Variants in PRODH2 observed in about 807,000 individuals in gnomAD.
The protein encoded by PRODH2 is proline dehydrogenase 2, also known as hydroxyproline dehydrogenase.
Under a neutral mutation model 51.9 loss-of-function variants are expected in PRODH2, and 49 were observed. The observed-to-expected ratio is 0.94, with a 90% CI of 0.75 to 1.20. The LOEUF (loss-of-function observed/expected upper bound fraction) is 1.20. PRODH2 is among the 50% of genes most tolerant of loss of function. The pLI, the probability that PRODH2 is intolerant of heterozygous loss-of-function variation, is 0.00. For synonymous variants in PRODH2, 249 were observed against 260.7 expected (o/e 0.96, Z 0.43); for missense variants, 597 against 610.9 (o/e 0.98, Z 0.24).
chr19:35,802,355 C>T lies in PRODH2; in HGVS notation c.1113-79G>A, dbSNP rs529255326. On this transcript the variant is annotated intron_variant, in intron 8 of 9. Transcript: ENST00000653904. ...AGTCAGCCACTATGCACCCATATGG[C>T]GGCTCCAGTAATTCAAACATTGAAG... is the stretch of plus-strand genomic sequence containing the variant. 65 of 1,197,338 alleles carry T rather than the reference C, an allele frequency of 5.4e-5. 1 individual carries two copies. The highest frequency in any genetic ancestry group is 2.3e-4 in the South Asian group (19 of 82,642). The allele number at this position is 1,197,338 out of a possible 1,614,324, so 74.2% of individuals were successfully genotyped here. A position where few individuals can be genotyped will look rare whatever the true frequency, so the allele number is the denominator to read the frequency against.
chr19:35,800,051 C>G lies in PRODH2; in HGVS notation c.1370G>C (p.Arg457Thr). 6.2e-7 allele frequency: 1 copy of G among 1,611,070 alleles called. No individual in the cohort carries two copies. The highest frequency in any genetic ancestry group is 8.5e-7 in the Non-Finnish European group (1 of 1,179,024). Reference protein sequence around the residue: ...LWRRLLPGCRRIPH With the variant: ...LWRRLLPGCRTIPH Reference sequence around the variant, plus strand: ...CCCTCAGGGGTGCTAGTGGGGTATCCTTCGGCATCCTGGCAGCAGCCGCCG... The same window carrying G: ...CCCTCAGGGGTGCTAGTGGGGTATCGTTCGGCATCCTGGCAGCAGCCGCCG... The change falls in exon 10 of 10, where the codon AGG (arginine) becomes ACG (threonine). Residue 457 changes from arginine to threonine, a missense_variant. By Grantham distance (71) the Arg-to-Thr change is moderately conservative (BLOSUM62 -1). Coordinates refer to ENST00000653904, the MANE Select transcript of PRODH2 (RefSeq NM_021232.2).
rs765304239 is a variant in PRODH2 at position 35,812,617 on chromosome 19, A to G, written c.174+15T>C. On this transcript the variant is annotated intron_variant, in intron 1 of 9. Transcript: ENST00000653904. The stretch of plus-strand genomic sequence containing the variant: ...ATGAGGAGCCTCCAGGCTGGTCCTC[A>G]GGATCACTGCTCACCAACAGCCCGT... 1.4e-5 allele frequency: 22 copies of G among 1,595,582 alleles called. No individual in the cohort carries two copies. In the Middle Eastern group the frequency reaches 5.0e-4, roughly 36 times the overall value.
rs1472126232 is a variant in PRODH2 at position 35,812,144 on chromosome 19, G to A, written c.500C>T (p.Thr167Ile). The A allele has an allele frequency of 2.5e-6, 4 of 1,614,146 alleles. No individual in the cohort carries two copies. The highest frequency in any genetic ancestry group is 3.3e-5 in the Admixed American group (2 of 60,022). The change falls in exon 3 of 10, where the codon ACT becomes ATT. Residue 167 changes from threonine to isoleucine, a missense_variant. Thr to Ile is a moderately conservative substitution (Grantham distance 89). Transcript: ENST00000653904. ...CTTTGCACTCCTTACACAGAGCCGA[G>A]TACTGGTCAGCGCCGTCACCTTCAG... ...MQLKVTALTS[T>I]RLCKELASWV...
In PRODH2 at chr19:35,812,775, G is replaced by A; in HGVS notation, c.31C>T (p.Gln11Ter). The A allele has an allele frequency of 6.2e-7, 1 of 1,606,540 alleles. No individual in the cohort carries two copies. MLRTCYVLCS[Q>*]AGPPSRGWQS... ...CAGCCCCTGGAGGGGGGACCAGCTT[G>A]GGAACAGAGCACGTAACAGGTCCGG... The change falls in exon 1 of 10, where the codon CAA (glutamine) becomes TAA (stop). Residue 11 changes from glutamine (Q) to a stop codon, truncating the protein, a stop_gained. Transcript: ENST00000653904. LOFTEE classifies it high-confidence loss of function.
chr19:35,803,434 T>A (rs1010800191), intron 7 of PRODH2, among the ~76,000 whole-genome samples: 2 of 152,164 alleles, frequency 1.3e-5, no homozygotes, highest in African/African-American at 4.8e-5. Context: ...TTTGTATTTT[T>A]AGTAGAGACG....
At chr19:35,810,033 T>C (rs1972583568) in intron 4 of PRODH2, among the ~76,000 whole-genome samples, 1 of 136,596 alleles carries the variant, frequency 7.3e-6, no homozygotes, top group Non-Finnish European at 1.5e-5. Flanking sequence ...TTTGGGAGGC[T>C]GAGGCGGGCG....
chr19:35,812,727 C>T lies in PRODH2; in HGVS notation c.79G>A (p.Gly27Arg), dbSNP rs1051960453. ...RGWQSLSFDG[G>R]AFHLKGTGEL... is the part of the protein sequence containing the mutation. ...CCTGTGCCCTTAAGGTGGAAGGCCCCGCCATCAAAGCTCAGGGACTGCCAG... is the reference window on the plus strand; with the variant it reads ...CCTGTGCCCTTAAGGTGGAAGGCCCTGCCATCAAAGCTCAGGGACTGCCAG... The change falls in exon 1 of 10, where the codon GGG becomes AGG. Residue 27 changes from glycine to arginine, a missense_variant. Coordinates refer to ENST00000653904, the MANE Select transcript of PRODH2 (RefSeq NM_021232.2). The T allele has an allele frequency of 5.0e-6, 8 of 1,611,502 alleles. No individual in the cohort carries two copies. In the African/African-American group the frequency reaches 5.3e-5, roughly 11 times the overall value.
intron 8 of PRODH2, chr19:35,802,529 G>T (rs1324264814): frequency 5.3e-6 from 3 of 565,932 alleles, no homozygotes; most frequent in Non-Finnish European, 9.5e-6. Context: ...GACCTATAAG[G>T]ACTTACAGGT....
rs748663846 is a variant in PRODH2 at position 35,811,471 on chromosome 19, G to GGGAGGGAA, written c.597+490_597+491insTTCCCTCC. Among the ~76,000 whole-genome samples the GGGAGGGAA allele has an allele frequency of 1.8e-3, 259 of 140,996 alleles. 1 individual carries two copies. The highest frequency in any genetic ancestry group is 3.2e-3 in the Non-Finnish European group (209 of 64,974). 92.5% of individuals were successfully genotyped at this position (140,996 alleles called of 152,430 possible). ...AGGAAGGAAGGAAGGGAGGGAGGGA[G>GGGAGGGAA]GGAGGGGAGAGAAGGAAAAAGAAAA... On this transcript the variant is annotated intron_variant, in intron 4 of 9. Transcript: ENST00000653904.
At chr19:35,810,734 T>C (rs771536796) in intron 4 of PRODH2, among the ~76,000 whole-genome samples, 2 of 152,142 alleles carry the variant, frequency 1.3e-5, no homozygotes, top group Non-Finnish European at 1.5e-5. Context: ...TTGGCCAGGC[T>C]GGTCTTGAAC....
chr19:35,810,851 G>A (rs1044338049), intron 4 of PRODH2, among the ~76,000 whole-genome samples: 1 of 152,156 alleles, frequency 6.6e-6, no homozygotes, highest in Non-Finnish European at 1.5e-5. Flanking sequence ...GATTTGGATT[G>A]CTCAAGTGTG....
intron 9 of PRODH2, 21 bp downstream of exon 9, chr19:35,802,170 G>T (rs761369393): frequency 1.2e-6 from 2 of 1,610,088 alleles, no homozygotes; most frequent in African/African-American, 1.3e-5. Context: ...CTTGATGGGG[G>T]TGGGGGAGCC....
At chr19:35,806,965 G>A in intron 5 of PRODH2, 76 bp downstream of exon 5, 1 of 1,543,260 alleles carries the variant, frequency 6.5e-7, no homozygotes, top group East Asian at 2.5e-5. Flanking sequence ...GGTTCCAGCA[G>A]GAGGGGTTAC....
Position 35,806,778 on chromosome 19 carries a change from A to G in PRODH2, c.731T>C (p.Leu244Pro). Reference protein sequence around the residue: ...RLLVDAEYTSLNPALSLLVAA... With the variant: ...RLLVDAEYTSPNPALSLLVAA... ...CACCAGCAGCGAGAGCGCAGGGTTC[A>G]GTGAGGTGTACTCCGCATCCACCAG... Residue 244 changes from leucine (L) to proline (P), a missense_variant, in exon 6 of 10, where the codon CTG (leucine) becomes CCG (proline). Transcript: ENST00000653904. The G allele has an allele frequency of 1.2e-6, 2 of 1,613,328 alleles. No individual in the cohort carries two copies. The highest frequency in any genetic ancestry group is 1.7e-6 in the Non-Finnish European group (2 of 1,179,730).
At position 35,810,147 on chromosome 19, in the gene PRODH2, A is replaced by T. The variant is rs555677318; in HGVS notation, c.597+1815T>A. Among the ~76,000 whole-genome samples the T allele has an allele frequency of 4.9e-3, 704 of 145,042 alleles. 4 individuals are homozygous for T. The highest frequency in any genetic ancestry group is 0.011 in the Middle Eastern group (3 of 272). On this transcript the variant is annotated intron_variant, in intron 4 of 9. Coordinates refer to ENST00000653904, the MANE Select transcript of PRODH2 (RefSeq NM_021232.2). Reference sequence around the variant, plus strand: ...GCCAGGTGTAATGGCAGGCGCTTGTAATCCCAGCTACTCGGGAGGCTGAAG... The same window carrying T: ...GCCAGGTGTAATGGCAGGCGCTTGTTATCCCAGCTACTCGGGAGGCTGAAG...
intron 9 of PRODH2, 88 bp downstream of exon 9, chr19:35,802,103 T>G: frequency 1.6e-6 from 2 of 1,226,296 alleles, no homozygotes; most frequent in Non-Finnish European, 2.4e-6. Context: ...ATCTGGAGGC[T>G]GGGCCTTGGT....
At position 35,812,724 on chromosome 19, in the gene PRODH2, C is replaced by T; in HGVS notation, c.82G>A (p.Ala28Thr). 6.2e-7 allele frequency: 1 copy of T among 1,611,594 alleles called. No individual in the cohort carries two copies. The highest frequency in any genetic ancestry group is 8.5e-7 in the Non-Finnish European group (1 of 1,178,416). ...GWQSLSFDGGAFHLKGTGELT... is the reference protein window; with the variant it reads ...GWQSLSFDGGTFHLKGTGELT... ...TCTCCTGTGCCCTTAAGGTGGAAGG[C>T]CCCGCCATCAAAGCTCAGGGACTGC... is the stretch of plus-strand genomic sequence containing the variant. Residue 28 changes from alanine (A) to threonine (T), a missense_variant, in exon 1 of 10, where the codon GCC becomes ACC. Ala to Thr is a moderately conservative substitution (Grantham distance 58, BLOSUM62 0). Coordinates refer to ENST00000653904, the MANE Select transcript of PRODH2 (RefSeq NM_021232.2).
Position 35,802,291 on chromosome 19 carries a change from A to G in PRODH2, c.1113-15T>C, listed in dbSNP as rs1972445477. 2 of 1,613,220 alleles carry G rather than the reference A, an allele frequency of 1.2e-6. No individual in the cohort carries two copies. Among genetic ancestry groups the G allele is most frequent in the Admixed American group, 3.3e-5 (2 of 60,028 alleles). ...GCTCCCACATGCTACAGAAAAGGCC[A>G]CATCATCAGTCCAGACTGTGGCTGC... On this transcript the variant is annotated splice_polypyrimidine_tract_variant and intron_variant, in intron 8 of 9. Coordinates refer to ENST00000653904, the MANE Select transcript of PRODH2 (RefSeq NM_021232.2).
chr19:35,807,082 G>A lies in PRODH2; in HGVS notation c.637C>T (p.His213Tyr). The A allele has an allele frequency of 6.4e-7, 1 of 1,552,692 alleles. No homozygotes were observed. The highest frequency in any genetic ancestry group is 8.7e-7 in the Non-Finnish European group (1 of 1,147,620). ...VSCLNAEQNQHLRASLSRLHR... is the reference protein window; with the variant it reads ...VSCLNAEQNQYLRASLSRLHR... ...AGGCGGCTGAGGGAGGCCCGGAGGTGCTGGTTCTGCTCAGCATTGAGGCAG... is the reference window on the plus strand; with the variant it reads ...AGGCGGCTGAGGGAGGCCCGGAGGTACTGGTTCTGCTCAGCATTGAGGCAG... The change falls in exon 5 of 10, where the codon CAC (histidine) becomes TAC (tyrosine). Residue 213 changes from histidine (H) to tyrosine (Y), a missense_variant. By Grantham distance (83) the His-to-Tyr change is moderately conservative. Transcript: ENST00000653904.
Sources: allele counts gnomAD v4.1 joint callset (sites outside exome capture counted in the v4.1 genomes callset), GRCh38; gene constraint gnomAD v4.1.1; transcripts MANE v1.5; gene names NCBI Gene and HGNC (gene_info 2026-07-23, HGNC 2026-07-21).